PREX2: variants seen among roughly 807,000 people sequenced by gnomAD.
PREX2 encodes phosphatidylinositol 3,4,5-trisphosphate-dependent Rac exchanger 2 protein.
PREX2 carries 107 observed loss-of-function variants against 203.2 expected under a neutral mutation model. The observed-to-expected ratio is 0.53, with a 90% CI of 0.45 to 0.62. PREX2 has a LOEUF of 0.62. Among genes scored for constraint, PREX2 ranks in the 20% least tolerant of loss-of-function variants. The pLI is 0.00. For synonymous variants in PREX2, 672 were observed against 663.6 expected, an observed-to-expected ratio of 1.01 and a Z score of -0.19; for missense variants, 1,777 against 1,955.9, an observed-to-expected ratio of 0.91 and a Z score of 1.72.
intron 34 of PREX2, among the ~76,000 whole-genome samples, chr8:68,156,068 T>G (rs1318607438): frequency 6.6e-6 from 1 of 151,070 alleles, no homozygotes; most frequent in Non-Finnish European, 1.5e-5. Context: ...TTGTTGTTAC[T>G]GTTGTTTTAG....
At position 68,091,986 on chromosome 8, in the gene PREX2, G is replaced by T. The variant is rs527556322; in HGVS notation, c.2250+1271G>T. Among the ~76,000 whole-genome samples the T allele has an allele frequency of 6.6e-5, 10 of 152,220 alleles. No homozygotes were observed. In the East Asian group the frequency reaches 1.7e-3, roughly 26 times the overall value. The stretch of plus-strand genomic sequence containing the variant: ...TTGACTATTTGTCTTGATTCTATGG[G>T]GCGGCCGTGGGGTGGTTCCTATGAG... On this transcript the variant is annotated intron_variant, in intron 20 of 39. Coordinates refer to ENST00000288368, the MANE Select transcript of PREX2 (RefSeq NM_024870.4).
intron 34 of PREX2, among the ~76,000 whole-genome samples, chr8:68,147,618 T>C (rs1307083447): frequency 6.6e-6 from 1 of 152,216 alleles, no homozygotes; most frequent in Admixed American, 6.5e-5. Context: ...TGTAAATTGC[T>C]CAGTCTTGGA....
At chr8:68,219,379 T>G (rs1348572766) in intron 38 of PREX2, among the ~76,000 whole-genome samples, 3 of 152,122 alleles carry the variant, frequency 2.0e-5, no homozygotes, top group African/African-American at 4.8e-5. Context: ...TAAAATACAA[T>G]GTAAATTATA....
At chr8:68,135,359 A>G (rs960715348) in intron 32 of PREX2, among the ~76,000 whole-genome samples, 2 of 152,224 alleles carry the variant, frequency 1.3e-5, no homozygotes, top group Non-Finnish European at 2.9e-5. Context: ...TGCAGAATAT[A>G]TAAAGAACCC....
At chr8:68,165,326 G>C (rs904430371) in intron 35 of PREX2, among the ~76,000 whole-genome samples, 33 of 151,838 alleles carry the variant, frequency 2.2e-4, no homozygotes, top group African/African-American at 6.3e-4. Flanking sequence ...CTGTTATATC[G>C]ACCTAAGCAA....
intron 35 of PREX2, among the ~76,000 whole-genome samples, chr8:68,173,922 C>A (rs1425846031): frequency 6.6e-6 from 1 of 152,088 alleles, no homozygotes; most frequent in Non-Finnish European, 1.5e-5. Flanking sequence ...AATAAGCATA[C>A]CCCAAAAAGA....
chr8:68,016,676 G>A (rs748693220), intron 1 of PREX2, among the ~76,000 whole-genome samples: 11 of 152,128 alleles, frequency 7.2e-5, no homozygotes, highest in Admixed American at 3.9e-4. Context: ...ATAGTGGTGC[G>A]TGTGACTATG....
intron 1 of PREX2, among the ~76,000 whole-genome samples, chr8:67,960,196 A>C (rs1017926328): frequency 1.9e-4 from 29 of 151,982 alleles, no homozygotes; most frequent in Non-Finnish European, 1.3e-4. Context: ...CACATGCCAC[A>C]ATGCCCAGCT....
intron 25 of PREX2, among the ~76,000 whole-genome samples, chr8:68,115,114 G>A (rs561736070): frequency 4.3e-4 from 55 of 129,258 alleles, no homozygotes; most frequent in African/African-American, 1.4e-3. Context: ...CACAACCTCC[G>A]CCTCCTGGGT....
chr8:68,126,013 T>C lies in PREX2; in HGVS notation c.3725-1365T>C, dbSNP rs527450120. On this transcript the variant is annotated intron_variant, in intron 30 of 39. Transcript: ENST00000288368. ...GCGGTGATTTTCTATTAGGTAAGAC[T>C]AAACACATTGATCTGTTAGAAGCCA... is the stretch of plus-strand genomic sequence containing the variant. Among the ~76,000 whole-genome samples the C allele has an allele frequency of 2.6e-5, 4 of 152,230 alleles. No individual in the cohort carries two copies. In the East Asian group the frequency reaches 7.7e-4, roughly 29 times the overall value.
chr8:68,044,517 T>C lies in PREX2; in HGVS notation c.870T>C (p.Asp290=). The change falls in exon 8 of 40, where the codon GAT becomes GAC. Residue 290 remains aspartate, a synonymous_variant. Transcript: ENST00000288368. Reference sequence around the variant, plus strand: ...TGAAGAACAGCAAGGCATCTACAGATGGACATCGGTACCTTTTTCGTGGCC... The same window carrying C: ...TGAAGAACAGCAAGGCATCTACAGACGGACATCGGTACCTTTTTCGTGGCC... The part of the protein sequence containing the change: ...RRLKNSKAST[D]GHRYLFRGRI... 6.2e-7 allele frequency: 1 copy of C among 1,613,050 alleles called. No individual in the cohort carries two copies. The highest frequency in any genetic ancestry group is 1.1e-5 in the South Asian group (1 of 91,002).
chr8:68,201,420 A>G (rs1231365527), intron 37 of PREX2, among the ~76,000 whole-genome samples: 1 of 152,150 alleles, frequency 6.6e-6, no homozygotes, highest in East Asian at 1.9e-4. Context: ...GAGGTCCCAC[A>G]ATAGGCCGTC....
intron 35 of PREX2, among the ~76,000 whole-genome samples, chr8:68,185,127 C>T (rs1445922122): frequency 2.0e-5 from 3 of 152,156 alleles, no homozygotes; most frequent in African/African-American, 7.2e-5. Flanking sequence ...GGGTCTCTCG[C>T]AGCATTCAGT....
At chr8:68,202,823 C>T (rs879875837) in intron 37 of PREX2, among the ~76,000 whole-genome samples, 16 of 152,264 alleles carry the variant, frequency 1.1e-4, no homozygotes, top group Middle Eastern at 6.8e-3. Flanking sequence ...GGTAGGGTGT[C>T]TGCAAGCTGG....
chr8:68,030,883 A>G (rs1039935626), intron 6 of PREX2, among the ~76,000 whole-genome samples: 1 of 152,154 alleles, frequency 6.6e-6, no homozygotes, highest in African/African-American at 2.4e-5. Flanking sequence ...GATGGAGCCA[A>G]TAGATACTAT....
chr8:68,236,131 G>C lies in PREX2; in HGVS notation c.*4753G>C, dbSNP rs1471176808. 1 of 152,092 alleles carries C rather than the reference G, an allele frequency of 6.6e-6. No homozygotes were observed. The highest frequency in any genetic ancestry group is 6.6e-5 in the Admixed American group (1 of 15,258). The allele number at this position is 152,092 out of a possible 1,614,324, so 9.4% of individuals were successfully genotyped here. A position where few individuals can be genotyped will look rare whatever the true frequency, so the allele number is the denominator to read the frequency against. On this transcript the variant is annotated 3_prime_UTR_variant, in exon 40 of 40. Transcript: ENST00000288368. ...TGAATGTCTTACTGTAAGCATCAGA[G>C]CTGTCCAACCATGTGTAAATGTACC...
intron 34 of PREX2, among the ~76,000 whole-genome samples, chr8:68,152,784 C>T (rs972467332): frequency 3.3e-5 from 5 of 152,116 alleles, no homozygotes; most frequent in East Asian, 1.9e-4. Flanking sequence ...CTACCAATGG[C>T]GAGGAGGCCT....
chr8:68,157,231 C>A, intron 34 of PREX2, 91 bp from the exon 35 acceptor site: 2 of 580,694 alleles, frequency 3.4e-6, no homozygotes, highest in Non-Finnish European at 5.9e-6. Context: ...GTCCTATTTG[C>A]TAAATTTACT....
Position 68,109,466 on chromosome 8 carries a change from G to T in PREX2, c.2989G>T (p.Ala997Ser), listed in dbSNP as rs758027463. Residue 997 changes from alanine (A) to serine (S), a missense_variant, in exon 25 of 40, where the codon GCC becomes TCC. Physicochemically the swap from Ala to Ser is moderately conservative, Grantham distance 99. Coordinates refer to ENST00000288368, the MANE Select transcript of PREX2 (RefSeq NM_024870.4). The stretch of plus-strand genomic sequence containing the variant: ...TCAGCACACCATCACAACCATGGCG[G>T]CCCCTTCAGGTCTGTCTCTGGGACA... Reference protein sequence around the residue: ...YIQHTITTMAAPSGLSLGQQD... With the variant: ...YIQHTITTMASPSGLSLGQQD... The T allele has an allele frequency of 5.6e-6, 9 of 1,613,868 alleles. No homozygotes were observed. The Admixed American group carries it at 1.5e-4, about 27-fold the overall frequency.
Sources: allele counts gnomAD v4.1 joint callset (sites outside exome capture counted in the v4.1 genomes callset), GRCh38; gene constraint gnomAD v4.1.1; transcripts MANE v1.5; gene names NCBI Gene and HGNC (gene_info 2026-07-23, HGNC 2026-07-21).